MROH1: variants seen among roughly 807,000 people sequenced by gnomAD.
MROH1 encodes the protein maestro heat like repeat family member 1.
In MROH1, 117 loss-of-function variants were observed where a neutral mutation model predicts 116.5. The ratio of observed to expected loss-of-function variants is 1.00; its 90% CI spans 0.86 to 1.17. MROH1 has a LOEUF of 1.17. Ranked by LOEUF, MROH1 falls within the 50% of genes most tolerant of loss-of-function variation. The probability of loss-of-function intolerance (pLI) is 0.00; values close to 1 mark genes in which losing one functional copy is unlikely to be tolerated. For synonymous variants in MROH1, 921 were observed against 583.9 expected (o/e 1.58, Z -8.32); for missense variants, 1,873 against 1,338.5 (o/e 1.40, Z -6.23).
chr8:144,255,442 T>G, intron 34 of MROH1, 67 bp from the exon 35 acceptor site: 2 of 749,034 alleles, frequency 2.7e-6, no homozygotes, highest in South Asian at 2.8e-5. Context: ...GCAGTCTCAT[T>G]GGGTGCAGGG....
intron 35 of MROH1, among the ~76,000 whole-genome samples, chr8:144,256,714 T>C (rs1222724424): frequency 6.6e-6 from 1 of 152,254 alleles, no homozygotes; most frequent in Non-Finnish European, 1.5e-5. Flanking sequence ...CGTTCGCCAG[T>C]GGGTCGGACC....
intron 1 of MROH1, among the ~76,000 whole-genome samples, chr8:144,150,645 G>C (rs1366979203): frequency 5.3e-5 from 8 of 152,234 alleles, no homozygotes; most frequent in African/African-American, 1.4e-4. Context: ...AGAGGAGCTA[G>C]TCATCACTGA....
intron 12 of MROH1, among the ~76,000 whole-genome samples, chr8:144,209,440 C>T (rs909914646): frequency 2.0e-5 from 3 of 151,648 alleles, no homozygotes. Context: ...ATTAGCTGGG[C>T]GTGGTGGCGG....
intron 33 of MROH1, chr8:144,250,781 C>A (rs1364985388): frequency 4.8e-5 from 17 of 357,644 alleles, no homozygotes; most frequent in Admixed American, 1.2e-4. Flanking sequence ...TGTGAGCAGA[C>A]CCCTGGGAAC....
At position 144,261,559 on chromosome 8, in the gene MROH1, C is replaced by T; in HGVS notation, c.4841-96C>T. The T allele has an allele frequency of 1.0e-5, 7 of 697,458 alleles. 1 individual carries two copies. Among genetic ancestry groups the T allele is most frequent in the South Asian group, 8.9e-5 (6 of 67,202 alleles). The allele number at this position is 697,458 out of a possible 1,614,324, so 43.2% of individuals were successfully genotyped here. On this transcript the variant is annotated intron_variant, in intron 43 of 43. Transcript: ENST00000326134. The stretch of plus-strand genomic sequence containing the variant: ...AACGATCTTTCCGTTGGCTCCTGAG[C>T]CTCCCAGCAGAGGCTGTCAGGAGAG...
chr8:144,254,713 G>A, intron 33 of MROH1, 100 bp from the exon 34 acceptor site: 2 of 648,386 alleles, frequency 3.1e-6, no homozygotes, highest in East Asian at 2.6e-5. Context: ...TGGTGGCTGT[G>A]TCTGAGCGTC....
In MROH1 at chr8:144,163,399, G is replaced by A. The variant is rs547849519; in HGVS notation, c.-56-372G>A. Among the ~76,000 whole-genome samples, 211 of 152,352 alleles carry A rather than the reference G, an allele frequency of 1.4e-3. No homozygotes were observed. The highest frequency in any genetic ancestry group is 4.7e-3 in the African/African-American group (196 of 41,576). ...CATGCAGTGGCGCATGGCATGTGAT[G>A]TGTGAAAGCTGTGGTGCCCGTGCTC... On this transcript the variant is annotated intron_variant, in intron 2 of 43. Transcript: ENST00000326134. This position sits in a 1 kb window ranked among gnomAD's most constrained non-coding sequence, Gnocchi z 4.4.
chr8:144,163,727 C>T lies in MROH1; in HGVS notation c.-56-44C>T, dbSNP rs1587785245. ...GGTAATTGCCTGTGAACTCAGATAT[C>T]GTAGAGGCTTATGAATTAAATCTTG... On this transcript the variant is annotated intron_variant, in intron 2 of 43. Coordinates refer to ENST00000326134, the MANE Select transcript of MROH1 (RefSeq NM_032450.3). The surrounding 1 kb of genome is among the most constrained non-coding windows in gnomAD (Gnocchi z 4.4). The T allele has an allele frequency of 9.0e-6, 11 of 1,221,650 alleles. No homozygotes were observed. Among genetic ancestry groups the T allele is most frequent in the East Asian group, 4.8e-5 (2 of 41,684 alleles). The allele number at this position is 1,221,650 out of a possible 1,614,324, so 75.7% of individuals were successfully genotyped here. A position where few individuals can be genotyped will look rare whatever the true frequency, so the allele number is the denominator to read the frequency against.
chr8:144,255,072 G>A (rs1279295984), intron 34 of MROH1, 94 bp downstream of exon 34: 48 of 647,604 alleles, frequency 7.4e-5, no homozygotes, highest in Middle Eastern at 4.1e-4. Flanking sequence ...TGGCCCGGAC[G>A]CCACCCCACA....
At chr8:144,237,109 G>C (rs1840178519) in intron 14 of MROH1, among the ~76,000 whole-genome samples, 1 of 151,802 alleles carries the variant, frequency 6.6e-6, no homozygotes, top group Non-Finnish European at 1.5e-5. Flanking sequence ...GTTTCACCGT[G>C]TTGGCCAGGA....
At chr8:144,159,414 C>T (rs1014208853) in intron 1 of MROH1, among the ~76,000 whole-genome samples, 11 of 152,158 alleles carry the variant, frequency 7.2e-5, no homozygotes, top group Non-Finnish European at 1.6e-4. Flanking sequence ...TTAGATTGGT[C>T]TATTGTTCCT....
intron 14 of MROH1, among the ~76,000 whole-genome samples, chr8:144,224,337 A>G (rs1328650864): frequency 6.6e-6 from 1 of 152,174 alleles, no homozygotes; most frequent in Non-Finnish European, 1.5e-5. Flanking sequence ...TGGCGAGATC[A>G]CAGCTCACTG....
chr8:144,224,153 G>A (rs1001803467), intron 14 of MROH1, among the ~76,000 whole-genome samples: 1 of 152,138 alleles, frequency 6.6e-6, no homozygotes, highest in South Asian at 2.1e-4. Context: ...CCAAGAGTTT[G>A]GGAGTTGGAG....
intron 35 of MROH1, among the ~76,000 whole-genome samples, chr8:144,257,203 G>T (rs1844033374): frequency 1.3e-5 from 2 of 152,250 alleles, no homozygotes; most frequent in East Asian, 3.8e-4. Context: ...TCAAAGATCA[G>T]GCCCCAACAC....
At chr8:144,162,925 A>G (rs148013852) in intron 2 of MROH1, among the ~76,000 whole-genome samples, 6 of 142,054 alleles carry the variant, frequency 4.2e-5, no homozygotes, top group East Asian at 2.2e-4. Context: ...GTTTCATCAT[A>G]TTGGCCAGGC....
intron 33 of MROH1, among the ~76,000 whole-genome samples, chr8:144,253,050 A>G (rs1843102856): frequency 6.6e-6 from 1 of 151,382 alleles, no homozygotes; most frequent in Non-Finnish European, 1.5e-5. Context: ...GCTACTCAGG[A>G]GGCCAAGGCA....
chr8:144,256,003 C>T (rs930220710), intron 35 of MROH1, among the ~76,000 whole-genome samples: 18 of 152,334 alleles, frequency 1.2e-4, no homozygotes, highest in East Asian at 5.8e-4. Flanking sequence ...AGGCAGGATC[C>T]GGGTGGTGCC....
chr8:144,261,357 C>T lies in MROH1; in HGVS notation c.4840+8C>T. The T allele has an allele frequency of 5.7e-6, 4 of 703,820 alleles. No individual in the cohort carries two copies. Among genetic ancestry groups the T allele is most frequent in the Non-Finnish European group, 1.0e-5 (4 of 386,820 alleles). The allele number at this position is 703,820 out of a possible 1,614,324, so 43.6% of individuals were successfully genotyped here. A position where few individuals can be genotyped will look rare whatever the true frequency, so the allele number is the denominator to read the frequency against. On this transcript the variant is annotated splice_region_variant and intron_variant, in intron 43 of 43. Coordinates refer to ENST00000326134, the MANE Select transcript of MROH1 (RefSeq NM_032450.3). Reference sequence around the variant, plus strand: ...TGGACCAGCTCATTGCGGGTGAGCACCCCTCCACGGGGCCCCTCCGCTGGG... The same window carrying T: ...TGGACCAGCTCATTGCGGGTGAGCATCCCTCCACGGGGCCCCTCCGCTGGG...
In MROH1 at chr8:144,223,217, C is replaced by T. The variant is rs1397706342; in HGVS notation, c.1325C>T (p.Pro442Leu). The change falls in exon 14 of 44, where the codon CCC becomes CTC. Residue 442 changes from proline (P) to leucine (L), a missense_variant. Physicochemically the swap from Pro to Leu is moderately conservative, Grantham distance 98. Coordinates refer to ENST00000326134, the MANE Select transcript of MROH1 (RefSeq NM_032450.3). The part of the protein sequence containing the change: ...IEYIVQQCAL[P>L]PEQEPEKPGP... ...TACATCGTGCAGCAGTGCGCGCTGCCCCCCGAGCAGGAGGTAAGGGGCTGC... is the reference window on the plus strand; with the variant it reads ...TACATCGTGCAGCAGTGCGCGCTGCTCCCCGAGCAGGAGGTAAGGGGCTGC... The T allele has an allele frequency of 2.5e-6, 4 of 1,605,520 alleles. No homozygotes were observed. The highest frequency in any genetic ancestry group is 2.5e-6 in the Non-Finnish European group (3 of 1,176,576).
Sources: gnomAD v4.1 joint callset for allele counts (sites outside exome capture counted in the v4.1 genomes callset) on GRCh38, gnomAD v4.1.1 for gene constraint, Gnocchi (gnomAD v3.1) non-coding constraint, MANE v1.5 for transcripts, NCBI Gene and HGNC (gene_info 2026-07-23, HGNC 2026-07-21) for gene names.